The following RUNX1 variants were observed in gnomAD, a reference collection of about 807,000 sequenced individuals.
The protein encoded by RUNX1 is runt-related transcription factor 1.
In RUNX1, 19 loss-of-function variants were observed where a neutral mutation model predicts 42.8. The observed-to-expected ratio is 0.44, with a 90% CI of 0.31 to 0.65. The LOEUF is 0.65. Among genes scored for constraint, RUNX1 ranks in the 30% least tolerant of loss-of-function variants. The pLI is 0.07. For synonymous variants in RUNX1, 271 were observed against 289.4 expected, an observed-to-expected ratio of 0.94 and a Z score of 0.64; for missense variants, 528 against 672.0, an observed-to-expected ratio of 0.79 and a Z score of 2.37.
At chr21:34,860,321 T>C (rs1316815881) in intron 5 of RUNX1, among the ~76,000 whole-genome samples, 4 of 152,252 alleles carry the variant, frequency 2.6e-5, no homozygotes, top group East Asian at 1.9e-4. Flanking sequence ...ACATTTCTTG[T>C]TGGTAAAGTG....
At chr21:35,009,363 A>T (rs1569149245) in intron 2 of RUNX1, among the ~76,000 whole-genome samples, 1 of 152,242 alleles carries the variant, frequency 6.6e-6, no homozygotes, top group Non-Finnish European at 1.5e-5. Context: ...TCCACAAGGA[A>T]GGAACCAACA....
Position 34,791,187 on chromosome 21 carries a change from C to A in RUNX1, c.*948G>T, listed in dbSNP as rs906801888. ...AGGGAGTTTAATGTAAACAATACTTCTGGATAACCAAGCGATCACATTACT... is the reference window on the plus strand; with the variant it reads ...AGGGAGTTTAATGTAAACAATACTTATGGATAACCAAGCGATCACATTACT... On this transcript the variant is annotated 3_prime_UTR_variant, in exon 9 of 9. Coordinates refer to ENST00000675419, the MANE Select transcript of RUNX1 (RefSeq NM_001754.5). 8.6e-6 allele frequency: 2 copies of A among 233,418 alleles called. No individual in the cohort carries two copies. Among genetic ancestry groups the A allele is most frequent in the African/African-American group, 4.4e-5 (2 of 45,336 alleles). The allele number at this position is 233,418 out of a possible 1,614,324, so 14.5% of individuals were successfully genotyped here. A position where few individuals can be genotyped will look rare whatever the true frequency, so the allele number is the denominator to read the frequency against.
intron 2 of RUNX1, among the ~76,000 whole-genome samples, chr21:34,902,952 G>T (rs1264709745): frequency 1.3e-5 from 2 of 152,182 alleles, no homozygotes; most frequent in African/African-American, 4.8e-5. Flanking sequence ...AGAGGACCCA[G>T]AATCAACTAG....
intron 2 of RUNX1, among the ~76,000 whole-genome samples, chr21:34,912,350 C>T (rs998303138): frequency 5.9e-5 from 9 of 151,602 alleles, no homozygotes; most frequent in Non-Finnish European, 1.0e-4. Flanking sequence ...CTCCATCACC[C>T]GTCCTCTCTG....
intron 2 of RUNX1, among the ~76,000 whole-genome samples, chr21:34,945,062 C>T (rs904102699): frequency 1.3e-5 from 2 of 152,122 alleles, no homozygotes; most frequent in Non-Finnish European, 2.9e-5. Context: ...TCATGGAGAA[C>T]AGGCATGCCA....
chr21:34,791,636 G>A lies in RUNX1; in HGVS notation c.*499C>T. ...ATACGCATTTTGCAATTGATAAGGT[G>A]CGGAAAAATTAAAAATAAGAATTAG... On this transcript the variant is annotated 3_prime_UTR_variant, in exon 9 of 9. Transcript: ENST00000675419. The A allele has an allele frequency of 4.3e-6, 1 of 231,058 alleles. No individual in the cohort carries two copies. The highest frequency in any genetic ancestry group is 8.6e-6 in the Non-Finnish European group (1 of 116,428). The allele number at this position is 231,058 out of a possible 1,614,324, so 14.3% of individuals were successfully genotyped here.
intron 2 of RUNX1, among the ~76,000 whole-genome samples, chr21:35,001,257 A>G (rs535600202): frequency 1.3e-5 from 2 of 149,970 alleles, no homozygotes; most frequent in South Asian, 4.2e-4. Context: ...ACCTATTTCA[A>G]ATGTACAATT....
At chr21:34,911,675 C>T (rs1601561703) in intron 2 of RUNX1, among the ~76,000 whole-genome samples, 1 of 152,168 alleles carries the variant, frequency 6.6e-6, no homozygotes, top group Non-Finnish European at 1.5e-5. Flanking sequence ...AACTCCTTGA[C>T]GGCTTTCCAG....
At chr21:34,997,814 G>GTCAT (rs2059008296) in intron 2 of RUNX1, among the ~76,000 whole-genome samples, 1 of 152,224 alleles carries the variant, frequency 6.6e-6, no homozygotes, top group Admixed American at 6.5e-5. Context: ...AACTTCCCAA[G>GTCAT]ATGATTTTCA....
chr21:35,042,653 TGCCTGGACA>T (rs2059367479), intron 2 of RUNX1, among the ~76,000 whole-genome samples: 2 of 152,218 alleles, frequency 1.3e-5, no homozygotes, highest in Non-Finnish European at 2.9e-5. Flanking sequence ...ATGTCCTTTC[TGCCTGGACA>T]GATCAGAGGT....
chr21:34,913,068 T>C (rs1474213379), intron 2 of RUNX1, among the ~76,000 whole-genome samples: 2 of 152,114 alleles, frequency 1.3e-5, no homozygotes, highest in Non-Finnish European at 2.9e-5. Context: ...CTGACTCTAC[T>C]AAAAATACAA....
At chr21:35,023,523 C>T (rs979650083) in intron 2 of RUNX1, among the ~76,000 whole-genome samples, 11 of 152,324 alleles carry the variant, frequency 7.2e-5, no homozygotes, top group African/African-American at 2.6e-4. Context: ...TGACTGTCTC[C>T]TCCCTAGCCG....
intron 2 of RUNX1, among the ~76,000 whole-genome samples, chr21:35,046,210 G>A (rs572886946): frequency 3.9e-5 from 6 of 152,306 alleles, no homozygotes; most frequent in Non-Finnish European, 7.3e-5. Flanking sequence ...AAAAAGCCCC[G>A]AGTTCTCTGT....
At chr21:34,852,725 G>A (rs1364652671) in intron 6 of RUNX1, among the ~76,000 whole-genome samples, 1 of 152,112 alleles carries the variant, frequency 6.6e-6, no homozygotes, top group African/African-American at 2.4e-5. Context: ...TGGGAGGGGA[G>A]GAAGAATTAC....
intron 2 of RUNX1, among the ~76,000 whole-genome samples, chr21:34,925,720 G>T (rs529120316): frequency 6.6e-6 from 1 of 152,230 alleles, no homozygotes; most frequent in East Asian, 1.9e-4. Flanking sequence ...GCAGCCCTAG[G>T]GAACAAATAC....
At chr21:34,834,790 T>C (rs1169116055) in intron 6 of RUNX1, among the ~76,000 whole-genome samples, 189 bp from the exon 7 acceptor site, 1 of 152,066 alleles carries the variant, frequency 6.6e-6, no homozygotes, top group East Asian at 1.9e-4. Flanking sequence ...CTCAGCAGAA[T>C]GGGCCCCCTT....
At chr21:34,940,554 C>T (rs1245518735) in intron 2 of RUNX1, among the ~76,000 whole-genome samples, 4 of 152,182 alleles carry the variant, frequency 2.6e-5, no homozygotes, top group Non-Finnish European at 5.9e-5. Flanking sequence ...CATTCTCTAA[C>T]CCAGAGATGA....
chr21:34,987,166 A>C (rs989718270), intron 2 of RUNX1, among the ~76,000 whole-genome samples: 1 of 152,200 alleles, frequency 6.6e-6, no homozygotes, highest in Non-Finnish European at 1.5e-5. Flanking sequence ...GGGGTTTCTA[A>C]ACTCCCCACT....
At chr21:34,957,733 C>T (rs977628665) in intron 2 of RUNX1, among the ~76,000 whole-genome samples, 1 of 152,156 alleles carries the variant, frequency 6.6e-6, no homozygotes, top group Non-Finnish European at 1.5e-5. Context: ...AGGCACACAC[C>T]TCCTCTGGCC....
Sources: gnomAD v4.1 joint callset for allele counts (sites outside exome capture counted in the v4.1 genomes callset) on GRCh38, gnomAD v4.1.1 for gene constraint, MANE v1.5 for transcripts, NCBI Gene and HGNC (gene_info 2026-07-23, HGNC 2026-07-21) for gene names.